HPSE2: variants seen among roughly 807,000 people sequenced by gnomAD.
The protein encoded by HPSE2 is inactive heparanase-2.
Under a neutral mutation model 60.5 loss-of-function variants are expected in HPSE2, and 38 were observed. The ratio of observed to expected loss-of-function variants is 0.63; its 90% confidence interval spans 0.48 to 0.82. HPSE2 has a LOEUF of 0.82. HPSE2 is among the 40% of genes least tolerant of loss of function. The pLI is 0.00. For synonymous variants in HPSE2, 295 were observed against 293.2 expected (o/e 1.01, Z -0.06); for missense variants, 713 against 740.4 (o/e 0.96, Z 0.43).
chr10:98,475,018 A>G (rs1158896606), intron 11 of HPSE2, among the ~76,000 whole-genome samples: 1 of 152,206 alleles, frequency 6.6e-6, no homozygotes, highest in African/African-American at 2.4e-5. Flanking sequence ...ATCAAGGGAC[A>G]TTCTGATCCG....
At chr10:98,521,358 A>T (rs1043741299) in intron 9 of HPSE2, among the ~76,000 whole-genome samples, 4 of 152,264 alleles carry the variant, frequency 2.6e-5, no homozygotes, top group African/African-American at 9.6e-5. Context: ...GAAGACATTT[A>T]TGCAGCCAAC....
intron 11 of HPSE2, among the ~76,000 whole-genome samples, chr10:98,479,017 G>A (rs1392107947): frequency 6.6e-6 from 1 of 152,164 alleles, no homozygotes; most frequent in African/African-American, 2.4e-5. Flanking sequence ...CCCCAAGGGT[G>A]CTTCCTGTGT....
At chr10:99,138,562 TA>T (rs751588342) in intron 3 of HPSE2, among the ~76,000 whole-genome samples, 23 of 151,996 alleles carry the variant, frequency 1.5e-4, no homozygotes, top group African/African-American at 2.2e-4. Context: ...TATGCAGCCA[TA>T]AAAAAAGGAT....
intron 3 of HPSE2, among the ~76,000 whole-genome samples, chr10:98,749,930 C>CTATATA (rs771032742): frequency 0.041 from 4,008 of 96,968 alleles, 268 homozygotes; most frequent in East Asian, 0.2. Context: ...ATATTAAACA[C>CTATATA]TATATATATA....
intron 2 of HPSE2, among the ~76,000 whole-genome samples, chr10:99,213,663 A>G (rs913505322): frequency 6.6e-6 from 1 of 152,048 alleles, no homozygotes; most frequent in Non-Finnish European, 1.5e-5. Flanking sequence ...AAAAATTCAA[A>G]TGAGGCATTA....
intron 3 of HPSE2, among the ~76,000 whole-genome samples, chr10:98,804,535 C>CA (rs1565175561): frequency 6.6e-6 from 1 of 152,042 alleles, no homozygotes; most frequent in Non-Finnish European, 1.5e-5. Flanking sequence ...AAATGGGGCT[C>CA]AACATCATTG....
rs116612545 is a variant in HPSE2 at position 99,048,263 on chromosome 10, T to C, written c.610+95975A>G. On this transcript the variant is annotated intron_variant, in intron 3 of 11. Transcript: ENST00000370552. Reference sequence around the variant, plus strand: ...CTTCAAAGAAGCAAATAACTTCCTGTGGCCCTTCAAAGTATCTTCTCCACA... The same window carrying C: ...CTTCAAAGAAGCAAATAACTTCCTGCGGCCCTTCAAAGTATCTTCTCCACA... 2.5e-3 allele frequency: 1,331 copies of C among 523,582 alleles called. 14 individuals carry two copies. The highest frequency in any genetic ancestry group is 0.023 in the African/African-American group (1,175 of 51,776). 32.4% of individuals were successfully genotyped at this position (523,582 alleles called of 1,614,324 possible). A position where few individuals can be genotyped will look rare whatever the true frequency, so the allele number is the denominator to read the frequency against.
intron 3 of HPSE2, among the ~76,000 whole-genome samples, chr10:99,127,244 G>C (rs1300155862): frequency 6.6e-6 from 1 of 151,950 alleles, no homozygotes; most frequent in East Asian, 1.9e-4. Context: ...GAAATGAAAA[G>C]AACAATATGG....
intron 3 of HPSE2, among the ~76,000 whole-genome samples, chr10:99,004,628 T>C (rs190096062): frequency 6.6e-6 from 1 of 152,320 alleles, no homozygotes; most frequent in Non-Finnish European, 1.5e-5. Flanking sequence ...TATTAATCTT[T>C]TTAATAGTTT....
intron 3 of HPSE2, among the ~76,000 whole-genome samples, chr10:98,860,447 A>T (rs1952430080): frequency 6.6e-6 from 1 of 152,244 alleles, no homozygotes; most frequent in Non-Finnish European, 1.5e-5. Flanking sequence ...AAGAAAAACC[A>T]TAAAAATGGC....
chr10:98,806,226 T>G (rs542939889), intron 3 of HPSE2, among the ~76,000 whole-genome samples: 1 of 152,264 alleles, frequency 6.6e-6, no homozygotes, highest in African/African-American at 2.4e-5. Context: ...TATGCAGAAT[T>G]TTAGAAATGA....
intron 9 of HPSE2, among the ~76,000 whole-genome samples, chr10:98,542,698 C>T (rs1299832371): frequency 1.4e-4 from 21 of 150,158 alleles, no homozygotes; most frequent in South Asian, 4.2e-4. Flanking sequence ...CCTCAGGAGC[C>T]GATGCGATCA....
the HPSE2 span, among the ~76,000 whole-genome samples, chr10:99,262,552 C>A: frequency 6.6e-6 from 1 of 152,138 alleles, no homozygotes; most frequent in South Asian, 2.1e-4. Flanking sequence ...AAAACCTCAT[C>A]ACCCTTACCC....
chr10:99,272,075 G>A, the HPSE2 span, among the ~76,000 whole-genome samples: 3 of 151,974 alleles, frequency 2.0e-5, no homozygotes, highest in African/African-American at 4.8e-5. Flanking sequence ...GTTCGAGACC[G>A]GCCAGGCCAA....
intron 3 of HPSE2, among the ~76,000 whole-genome samples, chr10:98,822,768 C>T (rs537742772): frequency 3.9e-4 from 60 of 152,236 alleles, no homozygotes; most frequent in African/African-American, 1.4e-3. Context: ...GTTGTATGTA[C>T]CTATATATTT....
intron 2 of HPSE2, 120 bp downstream of exon 2, chr10:99,232,214 TACACACACACACAC>T (rs59437000): frequency 5.6e-4 from 507 of 897,904 alleles, no homozygotes; most frequent in East Asian, 2.8e-3. Context: ...CGCGCGCGCA[TACACACACACACAC>T]ACACACACAC....
rs182130183 is a variant in HPSE2, at chr10:99,128,182, C to T, written c.610+16056G>A. On this transcript the variant is annotated intron_variant, in intron 3 of 11. Transcript: ENST00000370552. ...TTGAATGTAAATGGCCTAAATGCTC[C>T]ACTTAAAAGATATAGAATGGCAGAA... Among the ~76,000 whole-genome samples the T allele has an allele frequency of 4.7e-4, 72 of 152,198 alleles. 1 individual carries two copies. The East Asian group carries it at 0.013, about 28-fold the overall frequency.
chr10:99,232,656 C>T, intron 1 of HPSE2, 151 bp from the exon 2 acceptor site: 2 of 908,628 alleles, frequency 2.2e-6, no homozygotes, highest in African/African-American at 1.7e-5. Flanking sequence ...CACGCTGGCC[C>T]TTGGCCGCTG....
intron 9 of HPSE2, among the ~76,000 whole-genome samples, chr10:98,577,727 C>T (rs2133913280): frequency 6.6e-6 from 1 of 152,230 alleles, no homozygotes; most frequent in African/African-American, 2.4e-5. Flanking sequence ...TCATTTGGGA[C>T]CTGCTCACTA....
Sources: allele counts gnomAD v4.1 joint callset (sites outside exome capture counted in the v4.1 genomes callset), GRCh38; gene constraint gnomAD v4.1.1; transcripts MANE v1.5; gene names NCBI Gene and HGNC (gene_info 2026-07-23, HGNC 2026-07-21).